Variants in NEMF observed in about 807,000 individuals in gnomAD.
The protein encoded by NEMF is ribosome quality control complex subunit NEMF.
NEMF carries 89 observed loss-of-function variants against 162.2 expected under a neutral mutation model. That is an observed-to-expected ratio of 0.55 (90% CI 0.46 to 0.65). NEMF has a LOEUF of 0.65. Ranked by LOEUF, NEMF falls within the 30% of genes least tolerant of loss-of-function variation. NEMF has a pLI of 0.00. For missense variants in NEMF, 1,133 were observed against 1,261.9 expected, an observed-to-expected ratio of 0.90 and a Z score of 1.55; for synonymous variants, 421 against 404.5, an observed-to-expected ratio of 1.04 and a Z score of -0.49.
Position 49,802,651 on chromosome 14 carries a change from C to T in NEMF, c.1974+18G>A, listed in dbSNP as rs770020523. 2 of 1,610,484 alleles carry T rather than the reference C, an allele frequency of 1.2e-6. No homozygotes were observed. Among genetic ancestry groups the T allele is most frequent in the African/African-American group, 1.3e-5 (1 of 74,528 alleles). ...ATCAGGAAAAAAACAAATAAATAAC[C>T]AAGAAGTTGAAGAGTACCTTAAAAA... On this transcript the variant is annotated intron_variant, in intron 21 of 32. Coordinates refer to ENST00000298310, the MANE Select transcript of NEMF (RefSeq NM_004713.6).
chr14:49,798,150 T>G (rs777279290), intron 25 of NEMF, among the ~76,000 whole-genome samples: 91 of 152,230 alleles, frequency 6.0e-4, no homozygotes, highest in Non-Finnish European at 1.1e-3. Context: ...AATGAATGAA[T>G]GAATGAATGA....
chr14:49,816,531 A>G (rs577224066), intron 16 of NEMF, among the ~76,000 whole-genome samples: 1 of 152,326 alleles, frequency 6.6e-6, no homozygotes, highest in Admixed American at 6.5e-5. Context: ...TCAGGTGGGC[A>G]TCATGGTCCT....
chr14:49,812,705 T>A (rs1013013077), intron 18 of NEMF, among the ~76,000 whole-genome samples: 41 of 152,200 alleles, frequency 2.7e-4, no homozygotes, highest in African/African-American at 8.9e-4. Flanking sequence ...CTTACGAATT[T>A]AAAACATTTT....
chr14:49,847,313 T>C (rs1273881981), intron 3 of NEMF, among the ~76,000 whole-genome samples: 1 of 152,064 alleles, frequency 6.6e-6, no homozygotes, highest in Non-Finnish European at 1.5e-5. Context: ...GCAATCCTCC[T>C]GCCTCACCCT....
chr14:49,841,125 G>A (rs1345723539), intron 4 of NEMF, among the ~76,000 whole-genome samples: 2 of 150,036 alleles, frequency 1.3e-5, no homozygotes, highest in African/African-American at 2.5e-5. Flanking sequence ...TGAATCTGGG[G>A]GGTGGAGACT....
At position 49,829,572 on chromosome 14, in the gene NEMF, T is replaced by TATCCC. The variant is rs1025437467; in HGVS notation, c.946-151_946-147dup. 9 of 664,234 alleles carry TATCCC rather than the reference T, an allele frequency of 1.4e-5. No individual in the cohort carries two copies. The Admixed American group carries it at 2.0e-4, about 14-fold the overall frequency. The allele number at this position is 664,234 out of a possible 1,614,324, so 41.1% of individuals were successfully genotyped here. A position where few individuals can be genotyped will look rare whatever the true frequency, so the allele number is the denominator to read the frequency against. On this transcript the variant is annotated intron_variant, in intron 11 of 32. Coordinates refer to ENST00000298310, the MANE Select transcript of NEMF (RefSeq NM_004713.6). ...TTCCCATAGTCTACCACCCTAGGCC[T>TATCCC]ATCCCACTACAATGCGTTCCATGCC... is the stretch of plus-strand genomic sequence containing the variant.
intron 4 of NEMF, among the ~76,000 whole-genome samples, chr14:49,845,169 T>C (rs965022420): frequency 1.3e-5 from 2 of 151,652 alleles, no homozygotes; most frequent in Non-Finnish European, 2.9e-5. Flanking sequence ...CTGAGCTCAC[T>C]GGAACCTCTG....
chr14:49,851,519 G>A, intron 3 of NEMF, 44 bp downstream of exon 3: 2 of 1,315,672 alleles, frequency 1.5e-6, no homozygotes, highest in Non-Finnish European at 2.2e-6. Flanking sequence ...TTAATTGTTA[G>A]TGAGCAATCT....
In NEMF at chr14:49,833,358, G is replaced by A. The variant is rs190861669; in HGVS notation, c.735+65C>T. 1.7e-5 allele frequency: 16 copies of A among 935,434 alleles called. No individual in the cohort carries two copies. In the African/African-American group the frequency reaches 1.8e-4, roughly 11 times the overall value. The allele number at this position is 935,434 out of a possible 1,614,324, so 57.9% of individuals were successfully genotyped here. Reference sequence around the variant, plus strand: ...AATGTATATATAATGATCCTTTAATGAACGTTTAATTTCTGAAAACCCAAA... The same window carrying A: ...AATGTATATATAATGATCCTTTAATAAACGTTTAATTTCTGAAAACCCAAA... On this transcript the variant is annotated intron_variant, in intron 8 of 32. Coordinates refer to ENST00000298310, the MANE Select transcript of NEMF (RefSeq NM_004713.6).
Position 49,787,152 on chromosome 14 carries a change from G to A in NEMF, c.2896-402C>T, listed in dbSNP as rs570763747. On this transcript the variant is annotated intron_variant, in intron 28 of 32. Transcript: ENST00000298310. Reference sequence around the variant, plus strand: ...ACAGAACTTTTATTTTTAAATATCTGTTCAACAGTTTTGGATAAATTTTTC... The same window carrying A: ...ACAGAACTTTTATTTTTAAATATCTATTCAACAGTTTTGGATAAATTTTTC... 59 of 170,718 alleles carry A rather than the reference G, an allele frequency of 3.5e-4. 1 individual carries two copies. The South Asian group carries it at 8.3e-3, about 24-fold the overall frequency. The allele number at this position is 170,718 out of a possible 1,614,324, so 10.6% of individuals were successfully genotyped here. A position where few individuals can be genotyped will look rare whatever the true frequency, so the allele number is the denominator to read the frequency against.
At chr14:49,842,635 T>C (rs1478472766) in intron 4 of NEMF, among the ~76,000 whole-genome samples, 3 of 152,262 alleles carry the variant, frequency 2.0e-5, no homozygotes, top group Non-Finnish European at 4.4e-5. Context: ...CAGGTTGCAA[T>C]GTAAGTGGCT....
At chr14:49,820,424 C>T (rs1311278044) in intron 16 of NEMF, 3 of 456,602 alleles carry the variant, frequency 6.6e-6, no homozygotes, top group Admixed American at 2.4e-5. Flanking sequence ...TGCATGACTT[C>T]GCTGAAGTTC....
chr14:49,844,093 T>C (rs1036971630), intron 4 of NEMF, among the ~76,000 whole-genome samples: 1 of 149,038 alleles, frequency 6.7e-6, no homozygotes, highest in African/African-American at 2.5e-5. Flanking sequence ...AGTGAGACTC[T>C]GTATCAAAAA....
chr14:49,792,548 A>G (rs1350993870), intron 26 of NEMF, among the ~76,000 whole-genome samples: 1 of 152,208 alleles, frequency 6.6e-6, no homozygotes, highest in Non-Finnish European at 1.5e-5. Context: ...AGAGAGCAGA[A>G]AAAGAGGGAA....
intron 25 of NEMF, among the ~76,000 whole-genome samples, chr14:49,797,693 T>C (rs556146948): frequency 4.9e-4 from 75 of 152,342 alleles, no homozygotes; most frequent in African/African-American, 1.7e-3. Flanking sequence ...TTTCCTAATT[T>C]CAGGTATTCA....
At chr14:49,788,562 T>C (rs1338803417) in intron 28 of NEMF, among the ~76,000 whole-genome samples, 1 of 149,296 alleles carries the variant, frequency 6.7e-6, no homozygotes, top group Non-Finnish European at 1.5e-5. Flanking sequence ...CTCTCTCTTT[T>C]TTTTTTTTTT....
In NEMF at chr14:49,796,487, A is replaced by T. The variant is rs546096307; in HGVS notation, c.2466-543T>A. Among the ~76,000 whole-genome samples the T allele has an allele frequency of 9.5e-3, 1,439 of 151,160 alleles. 16 individuals are homozygous for T. Among genetic ancestry groups the T allele is most frequent in the Admixed American group, 0.015 (225 of 15,208 alleles). On this transcript the variant is annotated intron_variant, in intron 25 of 32. Coordinates refer to ENST00000298310, the MANE Select transcript of NEMF (RefSeq NM_004713.6). ...TACATACTCTGAATTTTTTTTTTTT[A>T]AAACGGAGTTTGTGCCACCACACCC...
At chr14:49,844,088 G>A (rs1893347863) in intron 4 of NEMF, among the ~76,000 whole-genome samples, 1 of 149,580 alleles carries the variant, frequency 6.7e-6, no homozygotes, top group Non-Finnish European at 1.5e-5. Flanking sequence ...AACAAAGTGA[G>A]ACTCTGTATC....
chr14:49,792,072 G>T (rs1024109681), intron 26 of NEMF, among the ~76,000 whole-genome samples: 1 of 151,878 alleles, frequency 6.6e-6, no homozygotes, highest in African/African-American at 2.4e-5. Context: ...GAGCCCAGGA[G>T]GTCGAGGCTG....
Sources: allele counts gnomAD v4.1 joint callset (sites outside exome capture counted in the v4.1 genomes callset), GRCh38; gene constraint gnomAD v4.1.1; transcripts MANE v1.5; gene names NCBI Gene and HGNC (gene_info 2026-07-23, HGNC 2026-07-21).